Variants in EIF4G3 observed in about 807,000 individuals in gnomAD.
The protein encoded by EIF4G3 is eIF-4-gamma 3.
A neutral mutation model predicts 186.4 loss-of-function variants in EIF4G3; 34 were observed. The observed-to-expected ratio is 0.18, with a 90% CI of 0.14 to 0.24. EIF4G3 has a LOEUF of 0.24. EIF4G3 is among the 10% of genes least tolerant of loss of function. The pLI is 1.00. For synonymous variants in EIF4G3, 673 were observed against 679.5 expected (o/e 0.99, Z 0.15); for missense variants, 1,536 against 1,948.5 (o/e 0.79, Z 3.99).
chr1:21,048,311 T>C (rs973217803), intron 4 of EIF4G3, among the ~76,000 whole-genome samples: 14 of 152,312 alleles, frequency 9.2e-5, no homozygotes, highest in African/African-American at 3.4e-4. Flanking sequence ...ATCAACTGCT[T>C]GTCTTTCATA....
intron 29 of EIF4G3, among the ~76,000 whole-genome samples, chr1:20,846,619 A>C (rs1210647052): frequency 3.9e-5 from 6 of 152,216 alleles, no homozygotes; most frequent in Non-Finnish European, 8.8e-5. Flanking sequence ...GTATCTCCCC[A>C]CTGGAATGTA....
intron 3 of EIF4G3, among the ~76,000 whole-genome samples, chr1:21,084,640 C>T (rs747708047): frequency 4.9e-4 from 74 of 152,276 alleles, no homozygotes; most frequent in African/African-American, 1.7e-3. Context: ...ATTTCTAAGA[C>T]TACATTGAGC....
intron 3 of EIF4G3, among the ~76,000 whole-genome samples, chr1:21,073,199 A>G (rs1477028332): frequency 6.6e-6 from 1 of 152,222 alleles, no homozygotes; most frequent in Non-Finnish European, 1.5e-5. Context: ...CCCTTAGTAG[A>G]AACTCTTCAA....
intron 20 of EIF4G3, among the ~76,000 whole-genome samples, chr1:20,867,635 TG>T (rs1282253052): frequency 2.6e-5 from 4 of 152,214 alleles, no homozygotes; most frequent in Admixed American, 2.0e-4. Flanking sequence ...ACAACTAGTA[TG>T]GCTATATTAA....
intron 3 of EIF4G3, among the ~76,000 whole-genome samples, chr1:21,055,791 A>T (rs11578576): frequency 0.033 from 4,989 of 152,214 alleles, 267 homozygotes; most frequent in African/African-American, 0.11. Context: ...TAAAAAATAT[A>T]AACCTGTACA....
At chr1:21,144,422 C>CTT (rs79741128) in intron 2 of EIF4G3, among the ~76,000 whole-genome samples, 4 of 141,696 alleles carry the variant, frequency 2.8e-5, no homozygotes, top group Admixed American at 7.2e-5. Context: ...GCACACCCAT[C>CTT]TTTTTTTTTT....
intron 12 of EIF4G3, among the ~76,000 whole-genome samples, chr1:20,964,714 T>A (rs2074226720): frequency 6.6e-6 from 1 of 152,216 alleles, no homozygotes; most frequent in Non-Finnish European, 1.5e-5. Context: ...TTCAAATATT[T>A]CCTTCCTGTG....
At chr1:21,174,931 C>T (rs2098072049) in intron 2 of EIF4G3, among the ~76,000 whole-genome samples, 2 of 152,128 alleles carry the variant, frequency 1.3e-5, no homozygotes, top group Non-Finnish European at 2.9e-5. Flanking sequence ...CAAACAATGA[C>T]CTGAAATGAC....
intron 2 of EIF4G3, among the ~76,000 whole-genome samples, chr1:21,091,056 C>G (rs535338511): frequency 6.6e-6 from 1 of 152,144 alleles, no homozygotes; most frequent in Non-Finnish European, 1.5e-5. Flanking sequence ...CTAAACTATA[C>G]CCTATTTCAC....
intron 12 of EIF4G3, among the ~76,000 whole-genome samples, chr1:20,968,311 C>G (rs776551755): frequency 6.6e-6 from 1 of 151,970 alleles, no homozygotes; most frequent in Non-Finnish European, 1.5e-5. Flanking sequence ...TCCTGAGTAC[C>G]TGGGATTACA....
intron 3 of EIF4G3, among the ~76,000 whole-genome samples, chr1:21,065,478 G>C (rs939369227): frequency 2.7e-5 from 4 of 150,760 alleles, no homozygotes; most frequent in African/African-American, 9.7e-5. Flanking sequence ...GAAGGATTAA[G>C]CCCAGAAGTT....
intron 3 of EIF4G3, among the ~76,000 whole-genome samples, chr1:21,083,075 T>TAAAAAAAAA (rs1553217323): frequency 2.7e-5 from 3 of 110,048 alleles, no homozygotes; most frequent in African/African-American, 1.2e-4. Context: ...AAAAAAAAAG[T>TAAAAAAAAA]TTAAAAAATT....
At chr1:20,846,504 A>T (rs979007265) in intron 29 of EIF4G3, among the ~76,000 whole-genome samples, 2 of 151,848 alleles carry the variant, frequency 1.3e-5, no homozygotes, top group African/African-American at 4.8e-5. Context: ...GTCTTCCCTG[A>T]CTCCATCAAA....
At chr1:20,956,129 T>C (rs917862142) in intron 12 of EIF4G3, among the ~76,000 whole-genome samples, 1 of 152,186 alleles carries the variant, frequency 6.6e-6, no homozygotes, top group African/African-American at 2.4e-5. Flanking sequence ...AGGACTACAA[T>C]AGGCATCAAC....
At chr1:21,002,251 C>T (rs1233222202) in intron 5 of EIF4G3, among the ~76,000 whole-genome samples, 11 of 152,202 alleles carry the variant, frequency 7.2e-5, no homozygotes, top group African/African-American at 2.4e-4. Context: ...CATATACCCA[C>T]ACTGTTAAAT....
chr1:20,989,056 A>AGGAGGGGAGGGGGGGGGAGG (rs2080285928), intron 7 of EIF4G3, among the ~76,000 whole-genome samples: 1 of 2,342 alleles, frequency 4.3e-4, no homozygotes, highest in Admixed American at 5.2e-3. Flanking sequence ...AGGAGAGGAG[A>AGGAGGGGAGGGGGGGGGAGG]GGAGGGGAGG....
At chr1:20,999,680 T>A (rs1190100159) in intron 6 of EIF4G3, 3 of 428,906 alleles carry the variant, frequency 7.0e-6, no homozygotes, top group Non-Finnish European at 1.4e-5. Context: ...AGTAGGAAAG[T>A]GCCCTAGGAA....
intron 14 of EIF4G3, among the ~76,000 whole-genome samples, chr1:20,909,506 A>G (rs1300120554): frequency 6.6e-6 from 1 of 150,530 alleles, no homozygotes; most frequent in Non-Finnish European, 1.5e-5. Flanking sequence ...GAGCACTTAT[A>G]AAGTATAGAC....
chr1:20,864,348 C>T (rs1168703653), intron 22 of EIF4G3, 128 bp downstream of exon 22: 20 of 735,402 alleles, frequency 2.7e-5, no homozygotes, highest in Non-Finnish European at 3.7e-5. Flanking sequence ...GACAATGAGA[C>T]GGGCAAAAGA....
Sources: allele counts gnomAD v4.1 joint callset (sites outside exome capture counted in the v4.1 genomes callset), GRCh38; gene constraint gnomAD v4.1.1; transcripts MANE v1.5; gene names NCBI Gene and HGNC (gene_info 2026-07-23, HGNC 2026-07-21).